Variants in ADCY2 observed in about 807,000 individuals in gnomAD.
The protein encoded by ADCY2 is adenylate cyclase type 2.
In ADCY2, 31 loss-of-function variants were observed where a neutral mutation model predicts 125.2. The ratio of observed to expected loss-of-function variants is 0.25; its 90% CI spans 0.19 to 0.33. The LOEUF (loss-of-function observed/expected upper bound fraction) is 0.33, where lower values mean the gene tolerates loss of function less well. Ranked by LOEUF, ADCY2 falls within the 10% of genes least tolerant of loss-of-function variation. The pLI is 1.00. For missense variants in ADCY2, 904 were observed against 1,418.2 expected (o/e 0.64, Z 5.82); for synonymous variants, 512 against 548.4 (o/e 0.93, Z 0.93).
chr5:7,750,354 A>G (rs1458628413), intron 15 of ADCY2, among the ~76,000 whole-genome samples: 1 of 152,208 alleles, frequency 6.6e-6, no homozygotes, highest in African/African-American at 2.4e-5. Context: ...TTCTTGTTGA[A>G]CAATACAGGG....
intron 22 of ADCY2, among the ~76,000 whole-genome samples, chr5:7,809,544 C>G (rs1744866573): frequency 6.6e-6 from 1 of 152,142 alleles, no homozygotes; most frequent in Admixed American, 6.5e-5. Context: ...TTTAGTCTGG[C>G]AACAAAAGAT....
chr5:7,744,384 A>C (rs767275540), intron 15 of ADCY2, among the ~76,000 whole-genome samples: 3 of 152,194 alleles, frequency 2.0e-5, no homozygotes, highest in Non-Finnish European at 4.4e-5. Context: ...AACTTAAAGT[A>C]AAATTTAAAA....
chr5:7,494,798 G>A (rs1743289180), intron 2 of ADCY2, among the ~76,000 whole-genome samples: 1 of 152,200 alleles, frequency 6.6e-6, no homozygotes, highest in Non-Finnish European at 1.5e-5. Context: ...TCAACAAGGT[G>A]TTAAGAACAA....
intron 3 of ADCY2, among the ~76,000 whole-genome samples, chr5:7,532,960 GT>G (rs1434670902): frequency 1.9e-4 from 29 of 150,672 alleles, no homozygotes; most frequent in Non-Finnish European, 4.4e-5. Flanking sequence ...AATCTCAAAT[GT>G]TTTTATATAC....
intron 2 of ADCY2, among the ~76,000 whole-genome samples, chr5:7,422,448 G>A (rs192005990): frequency 6.6e-6 from 1 of 152,132 alleles, no homozygotes; most frequent in Admixed American, 6.5e-5. Flanking sequence ...TGGATTGCCT[G>A]GAATGTCTTC....
At chr5:7,719,011 A>T (rs1338998379) in intron 12 of ADCY2, among the ~76,000 whole-genome samples, 1 of 152,210 alleles carries the variant, frequency 6.6e-6, no homozygotes, top group Non-Finnish European at 1.5e-5. Flanking sequence ...AATAACATTA[A>T]TATTTTAAAA....
In ADCY2 at chr5:7,772,967, C is replaced by T. The variant is rs770718874; in HGVS notation, c.2250C>T (p.Ser750=). The change falls in exon 18 of 25, where the codon TCC becomes TCT. Residue 750 remains serine (S), a synonymous_variant. Transcript: ENST00000338316. ...ACAGCTGCATTCTGGGACTGATATCCTGTTCCGTGTTCCTGCGGGTAAACT... is the reference window on the plus strand; with the variant it reads ...ACAGCTGCATTCTGGGACTGATATCTTGTTCCGTGTTCCTGCGGGTAAACT... ...FIYSCILGLI[S]CSVFLRVNYE... The T allele has an allele frequency of 3.7e-6, 6 of 1,614,156 alleles. No individual in the cohort carries two copies. The highest frequency in any genetic ancestry group is 5.1e-6 in the Non-Finnish European group (6 of 1,180,022).
At chr5:7,518,221 G>A (rs1215453744) in intron 2 of ADCY2, among the ~76,000 whole-genome samples, 2 of 152,168 alleles carry the variant, frequency 1.3e-5, no homozygotes, top group Admixed American at 1.3e-4. Flanking sequence ...GTGTGTGCTG[G>A]TGGTAGCTCT....
intron 2 of ADCY2, among the ~76,000 whole-genome samples, chr5:7,519,194 T>C (rs1664541174): frequency 6.6e-6 from 1 of 152,164 alleles, no homozygotes; most frequent in Non-Finnish European, 1.5e-5. Flanking sequence ...GATGGTTCTT[T>C]TCAGGTTGTA....
intron 16 of ADCY2, among the ~76,000 whole-genome samples, chr5:7,766,437 G>A (rs1035331334): frequency 2.0e-5 from 3 of 152,100 alleles, no homozygotes; most frequent in African/African-American, 7.2e-5. Flanking sequence ...AGAGCTTTGT[G>A]TACTTTTAAT....
intron 17 of ADCY2, among the ~76,000 whole-genome samples, chr5:7,769,383 ATAAAT>A (rs1460607142): frequency 6.6e-6 from 1 of 152,206 alleles, no homozygotes; most frequent in East Asian, 1.9e-4. Flanking sequence ...CATATGCATA[ATAAAT>A]TATTCATTGA....
At chr5:7,752,288 C>T (rs1742852316) in intron 15 of ADCY2, among the ~76,000 whole-genome samples, 2 of 152,218 alleles carry the variant, frequency 1.3e-5, no homozygotes. Flanking sequence ...TCCTGCCATT[C>T]AGAATGACGG....
At chr5:7,526,353 C>A (rs931790962) in intron 3 of ADCY2, among the ~76,000 whole-genome samples, 3 of 152,104 alleles carry the variant, frequency 2.0e-5, no homozygotes, top group Non-Finnish European at 1.5e-5. Context: ...AATTGGTTCA[C>A]AAGTACAAAA....
At chr5:7,480,709 GT>G (rs1742697215) in intron 2 of ADCY2, among the ~76,000 whole-genome samples, 1 of 151,622 alleles carries the variant, frequency 6.6e-6, no homozygotes, top group South Asian at 2.1e-4. Context: ...CATGACACAA[GT>G]TTACCTATAT....
At chr5:7,811,358 G>T (rs890640533) in intron 22 of ADCY2, among the ~76,000 whole-genome samples, 1 of 151,952 alleles carries the variant, frequency 6.6e-6, no homozygotes, top group Non-Finnish European at 1.5e-5. Context: ...AAAATGAGCC[G>T]GGCGTGGTGG....
At chr5:7,820,304 G>A (rs1009240461) in intron 23 of ADCY2, among the ~76,000 whole-genome samples, 1 of 151,916 alleles carries the variant, frequency 6.6e-6, no homozygotes, top group Non-Finnish European at 1.5e-5. Context: ...ACCAGTCTGG[G>A]CAACATGGCA....
At chr5:7,458,829 T>G (rs1741804778) in intron 2 of ADCY2, among the ~76,000 whole-genome samples, 1 of 152,156 alleles carries the variant, frequency 6.6e-6, no homozygotes, top group Admixed American at 6.5e-5. Context: ...GGGGTTGACT[T>G]TAGCCTGAAA....
rs10475389 is a variant in ADCY2 at position 7,709,068 on chromosome 5, A to G, written c.1402-143A>G. The G allele has an allele frequency of 0.98, 711,481 of 728,096 alleles. 349,575 individuals carry two copies. The highest frequency in any genetic ancestry group is 1 in the East Asian group (30,792 of 30,792). 45.1% of individuals were successfully genotyped at this position (728,096 alleles called of 1,614,324 possible). A position where few individuals can be genotyped will look rare whatever the true frequency, so the allele number is the denominator to read the frequency against. The stretch of plus-strand genomic sequence containing the variant: ...CTCAAATAGTGTGTTCCCCAGTAAC[A>G]CTGAAGGAATAAGGACAGAAAACAC... On this transcript the variant is annotated intron_variant, in intron 9 of 24. Transcript: ENST00000338316. This position sits in a 1 kb window ranked among gnomAD's most constrained non-coding sequence, Gnocchi z 4.4.
chr5:7,527,725 G>A (rs2126541564), intron 3 of ADCY2, among the ~76,000 whole-genome samples: 1 of 152,268 alleles, frequency 6.6e-6, no homozygotes, highest in African/African-American at 2.4e-5. Context: ...ATTTTAGATT[G>A]CACCTAATAC....
Sources: gnomAD v4.1 joint callset for allele counts (sites outside exome capture counted in the v4.1 genomes callset) on GRCh38, gnomAD v4.1.1 for gene constraint, Gnocchi (gnomAD v3.1) non-coding constraint, MANE v1.5 for transcripts, NCBI Gene and HGNC (gene_info 2026-07-23, HGNC 2026-07-21) for gene names.